The following RIMS1 variants were observed in gnomAD, a reference collection of about 807,000 sequenced individuals.
RIMS1 encodes regulating synaptic membrane exocytosis protein 1.
A neutral mutation model predicts 214.1 loss-of-function variants in RIMS1; 83 were observed. The ratio of observed to expected loss-of-function variants is 0.39; its 90% CI spans 0.32 to 0.47. The LOEUF is 0.47. Ranked by LOEUF, RIMS1 falls within the 20% of genes least tolerant of loss-of-function variation. The pLI is 0.99. For synonymous variants in RIMS1, 793 were observed against 786.8 expected, an observed-to-expected ratio of 1.01 and a Z score of -0.13; for missense variants, 2,050 against 2,161.8, an observed-to-expected ratio of 0.95 and a Z score of 1.03.
intron 1 of RIMS1, among the ~76,000 whole-genome samples, chr6:71,948,550 T>C (rs1170310792): frequency 6.6e-6 from 1 of 152,202 alleles, no homozygotes; most frequent in Non-Finnish European, 1.5e-5. Context: ...TTTCTGATGA[T>C]ACACAATTTC....
At chr6:71,957,028 G>T (rs866109676) in intron 1 of RIMS1, among the ~76,000 whole-genome samples, 32 of 152,138 alleles carry the variant, frequency 2.1e-4, no homozygotes, top group African/African-American at 7.5e-4. Context: ...ATTTCTGTCC[G>T]TTGGCCTTTG....
intron 22 of RIMS1, among the ~76,000 whole-genome samples, chr6:72,271,054 T>C (rs1053574761): frequency 5.9e-5 from 9 of 151,712 alleles, no homozygotes; most frequent in Non-Finnish European, 1.0e-4. Flanking sequence ...GATCACTAGG[T>C]CAGGAATTTG....
intron 4 of RIMS1, among the ~76,000 whole-genome samples, chr6:72,177,642 G>A (rs1414201410): frequency 1.3e-5 from 2 of 152,180 alleles, no homozygotes; most frequent in Non-Finnish European, 2.9e-5. Context: ...ATGTAAAATA[G>A]TCAAAATTTC....
chr6:72,159,315 T>G (rs1588245523), intron 4 of RIMS1, among the ~76,000 whole-genome samples: 1 of 140,744 alleles, frequency 7.1e-6, no homozygotes, highest in Non-Finnish European at 1.6e-5. Context: ...GATAAGTAGA[T>G]TGCAAAAATT....
Position 72,337,734 on chromosome 6 carries a change from TC to T in RIMS1, c.4366+3905del, listed in dbSNP as rs2096893508. Among the ~76,000 whole-genome samples the T allele has an allele frequency of 4.2e-5, 4 of 94,222 alleles. No homozygotes were observed. The South Asian group carries it at 1.9e-3, about 44-fold the overall frequency. 61.8% of individuals were successfully genotyped at this position (94,222 alleles called of 152,430 possible). ...TAGGTATATCTCCTAATGCTATCCCTCCCCCCTCCCCCCACCCCACAACAGG... is the reference window on the plus strand; with the variant it reads ...TAGGTATATCTCCTAATGCTATCCCTCCCCCTCCCCCCACCCCACAACAGG... On this transcript the variant is annotated intron_variant, in intron 29 of 33. Coordinates refer to ENST00000521978, the MANE Select transcript of RIMS1 (RefSeq NM_014989.7).
chr6:72,165,932 G>A (rs570813879), intron 4 of RIMS1, among the ~76,000 whole-genome samples: 153 of 152,140 alleles, frequency 1.0e-3, no homozygotes, highest in Non-Finnish European at 2.0e-3. Flanking sequence ...GAGTTTTTCA[G>A]TCATTAAATA....
chr6:72,342,616 G>C (rs564132160), intron 29 of RIMS1, among the ~76,000 whole-genome samples: 1 of 144,904 alleles, frequency 6.9e-6, no homozygotes, highest in Non-Finnish European at 1.5e-5. Context: ...GGAGTAGTAA[G>C]AGTAAGATGG....
intron 1 of RIMS1, among the ~76,000 whole-genome samples, chr6:71,944,210 G>A (rs1256401808): frequency 6.6e-6 from 1 of 152,162 alleles, no homozygotes; most frequent in Non-Finnish European, 1.5e-5. Flanking sequence ...CTAATGAGAT[G>A]TTTAGTATTT....
At chr6:71,973,165 C>G (rs1284091907) in intron 2 of RIMS1, among the ~76,000 whole-genome samples, 1 of 152,182 alleles carries the variant, frequency 6.6e-6, no homozygotes, top group East Asian at 1.9e-4. Flanking sequence ...ACCTTGGCCT[C>G]CCAAAGTGCT....
chr6:71,887,947 A>T (rs1768335268), intron 1 of RIMS1, among the ~76,000 whole-genome samples: 1 of 152,182 alleles, frequency 6.6e-6, no homozygotes, highest in Admixed American at 6.5e-5. Flanking sequence ...GGTTTCCAAG[A>T]GACCTCTGGG....
chr6:72,021,909 A>G (rs985793647), intron 2 of RIMS1, among the ~76,000 whole-genome samples: 2 of 152,176 alleles, frequency 1.3e-5, no homozygotes, highest in African/African-American at 4.8e-5. Context: ...TACATAGTAC[A>G]TTGGCACGTA....
At chr6:72,143,314 A>G (rs559458406) in intron 4 of RIMS1, among the ~76,000 whole-genome samples, 2 of 152,304 alleles carry the variant, frequency 1.3e-5, no homozygotes, top group African/African-American at 2.4e-5. Context: ...TTCTATTTCA[A>G]TTTGAGCCAT....
intron 23 of RIMS1, among the ~76,000 whole-genome samples, chr6:72,278,444 A>G (rs1401108396): frequency 6.6e-6 from 1 of 152,082 alleles, no homozygotes. Flanking sequence ...CAAGAGTATC[A>G]AGTGATTTCT....
intron 4 of RIMS1, among the ~76,000 whole-genome samples, chr6:72,145,986 T>A (rs2153891345): frequency 6.6e-6 from 1 of 152,320 alleles, no homozygotes; most frequent in African/African-American, 2.4e-5. Flanking sequence ...TATACCTTAC[T>A]CAATTGTTAA....
chr6:72,141,126 T>A (rs2042032062), intron 4 of RIMS1, among the ~76,000 whole-genome samples: 1 of 152,048 alleles, frequency 6.6e-6, no homozygotes. Flanking sequence ...GGAGTAGATG[T>A]TTTCACTAAT....
intron 28 of RIMS1, chr6:72,316,493 G>A: frequency 2.8e-6 from 1 of 353,200 alleles, no homozygotes; most frequent in Non-Finnish European, 5.5e-6. Context: ...GCTACCTGGT[G>A]TTTTGAGGCT....
At chr6:72,388,354 G>A (rs959526051) in intron 29 of RIMS1, among the ~76,000 whole-genome samples, 1 of 152,194 alleles carries the variant, frequency 6.6e-6, no homozygotes, top group African/African-American at 2.4e-5. Context: ...AGTGTGACTG[G>A]AGAGCATTGA....
intron 6 of RIMS1, among the ~76,000 whole-genome samples, chr6:72,213,499 G>A (rs1562603717): frequency 6.6e-6 from 1 of 151,838 alleles, no homozygotes; most frequent in African/African-American, 2.4e-5. Flanking sequence ...CACATCAAGG[G>A]AGATTTGAAG....
chr6:72,247,704 T>C lies in RIMS1; in HGVS notation c.2129-311T>C, dbSNP rs544326941. On this transcript the variant is annotated intron_variant, in intron 11 of 33. Coordinates refer to ENST00000521978, the MANE Select transcript of RIMS1 (RefSeq NM_014989.7). ...ATCCATTAGCCAAGATAATTAGTGTTAACAGGCACTATCTTCCTTATCTCT... is the reference window on the plus strand; with the variant it reads ...ATCCATTAGCCAAGATAATTAGTGTCAACAGGCACTATCTTCCTTATCTCT... Among the ~76,000 whole-genome samples the C allele has an allele frequency of 3.3e-5, 5 of 152,248 alleles. No individual in the cohort carries two copies. The South Asian group carries it at 1.0e-3, about 32-fold the overall frequency.
Sources: allele counts gnomAD v4.1 joint callset (sites outside exome capture counted in the v4.1 genomes callset), GRCh38; gene constraint gnomAD v4.1.1; transcripts MANE v1.5; gene names NCBI Gene and HGNC (gene_info 2026-07-23, HGNC 2026-07-21).